The following STAG1 variants were observed in gnomAD, a reference collection of about 807,000 sequenced individuals.
The protein encoded by STAG1 is cohesin subunit SA-1.
A neutral mutation model predicts 170.9 loss-of-function variants in STAG1; 26 were observed. The observed-to-expected ratio is 0.15, with a 90% CI of 0.11 to 0.21. The LOEUF (loss-of-function observed/expected upper bound fraction) is 0.21, where lower values mean the gene tolerates loss of function less well. STAG1 is among the 10% of genes least tolerant of loss of function. The probability of loss-of-function intolerance (pLI) is 1.00; values close to 1 mark genes in which losing one functional copy is unlikely to be tolerated. For missense variants in STAG1, 964 were observed against 1,509.5 expected, an observed-to-expected ratio of 0.64 and a Z score of 5.99; for synonymous variants, 514 against 497.7, an observed-to-expected ratio of 1.03 and a Z score of -0.44.
intron 29 of STAG1, among the ~76,000 whole-genome samples, chr3:136,344,234 C>T (rs999043075): frequency 6.6e-6 from 1 of 152,166 alleles, no homozygotes; most frequent in South Asian, 2.1e-4. Flanking sequence ...GTTGTAGGGA[C>T]TAAATGAGGT....
chr3:136,472,674 G>A (rs917718602), intron 11 of STAG1, among the ~76,000 whole-genome samples, 182 bp from the exon 12 acceptor site: 1 of 152,144 alleles, frequency 6.6e-6, no homozygotes, highest in Non-Finnish European at 1.5e-5. Flanking sequence ...ATAAATGTTT[G>A]TAATTTAAAA....
At chr3:136,487,106 C>T (rs1576520888) in intron 9 of STAG1, among the ~76,000 whole-genome samples, 1 of 151,450 alleles carries the variant, frequency 6.6e-6, no homozygotes, top group East Asian at 1.9e-4. Context: ...CACCTATTGA[C>T]CCGTCCTCTA....
chr3:136,394,906 T>TCATG (rs2087108440), intron 22 of STAG1, among the ~76,000 whole-genome samples: 1 of 137,798 alleles, frequency 7.3e-6, no homozygotes, highest in African/African-American at 2.8e-5. Context: ...TGAGCCAAGA[T>TCATG]CATGCCACTG....
intron 1 of STAG1, among the ~76,000 whole-genome samples, chr3:136,689,456 A>G (rs1377992017): frequency 6.6e-6 from 1 of 152,210 alleles, no homozygotes; most frequent in Non-Finnish European, 1.5e-5. Context: ...GTCAGTTATC[A>G]AAGGAATCAA....
intron 22 of STAG1, 72 bp from the exon 23 acceptor site, chr3:136,377,824 G>A: frequency 8.0e-7 from 1 of 1,256,362 alleles, no homozygotes; most frequent in Non-Finnish European, 1.2e-6. Context: ...GAAACAGTAA[G>A]TGGAAAATAG....
chr3:136,530,109 A>T (rs936912419), intron 6 of STAG1, among the ~76,000 whole-genome samples: 25 of 152,326 alleles, frequency 1.6e-4, no homozygotes, highest in Admixed American at 1.6e-3. Context: ...AGTGAAACAA[A>T]CTGTACATCA....
chr3:136,579,551 T>C (rs185579246), intron 4 of STAG1, among the ~76,000 whole-genome samples: 95 of 152,348 alleles, frequency 6.2e-4, no homozygotes, highest in African/African-American at 2.2e-3. Context: ...TGCTGGCTAA[T>C]GGCTAGAGAC....
chr3:136,591,572 T>C (rs904206481), intron 4 of STAG1: 2 of 411,682 alleles, frequency 4.9e-6, no homozygotes, highest in Non-Finnish European at 9.7e-6. Flanking sequence ...AAAAAAAAAA[T>C]TATCTGTTAA....
intron 3 of STAG1, among the ~76,000 whole-genome samples, chr3:136,619,092 T>C (rs951090154): frequency 2.0e-5 from 3 of 151,854 alleles, no homozygotes; most frequent in Non-Finnish European, 4.4e-5. Context: ...GCAAATGTAG[T>C]AAAATGCTAA....
At chr3:136,443,241 A>G (rs1048253321) in intron 15 of STAG1, 46 bp downstream of exon 15, 5 of 1,333,988 alleles carry the variant, frequency 3.7e-6, no homozygotes, top group South Asian at 3.6e-5. Flanking sequence ...TATTGCTATC[A>G]ATGGAAATAC....
At chr3:136,683,429 A>C (rs1348870846) in intron 1 of STAG1, among the ~76,000 whole-genome samples, 1 of 151,926 alleles carries the variant, frequency 6.6e-6, no homozygotes, top group African/African-American at 2.4e-5. Context: ...ACACCCAGCT[A>C]ATTTTTGTAT....
chr3:136,702,075 AAGAGAGAGAGAGAGAGAGAGAG>A (rs745623191), intron 1 of STAG1, among the ~76,000 whole-genome samples: 5 of 92,164 alleles, frequency 5.4e-5, no homozygotes, highest in Non-Finnish European at 1.0e-4. Context: ...ACCATGCCGA[AAGAGAGAGAGAGAGAGAGAGAG>A]AGAGAGAGAG....
chr3:136,562,708 C>T (rs1047644978), intron 5 of STAG1, among the ~76,000 whole-genome samples: 1 of 152,118 alleles, frequency 6.6e-6, no homozygotes, highest in African/African-American at 2.4e-5. Flanking sequence ...CTGCCTCAGC[C>T]TCCCAAGTAG....
intron 4 of STAG1, among the ~76,000 whole-genome samples, chr3:136,576,290 A>T (rs995530315): frequency 6.6e-6 from 1 of 152,140 alleles, no homozygotes; most frequent in African/African-American, 2.4e-5. Flanking sequence ...TTTCTCTCTC[A>T]CACACACATA....
At chr3:136,630,117 C>G (rs1940272837) in intron 2 of STAG1, among the ~76,000 whole-genome samples, 1 of 152,098 alleles carries the variant, frequency 6.6e-6, no homozygotes, top group African/African-American at 2.4e-5. Context: ...ATCGCTTGAA[C>G]CCGGAAGGCA....
chr3:136,601,362 AAATATT>A (rs1171918908), intron 4 of STAG1, among the ~76,000 whole-genome samples: 25 of 152,240 alleles, frequency 1.6e-4, no homozygotes, highest in Non-Finnish European at 3.7e-4. Context: ...AGCCAGTAAA[AAATATT>A]AATAATTAAA....
intron 7 of STAG1, among the ~76,000 whole-genome samples, chr3:136,510,454 A>T (rs1934000422): frequency 6.7e-6 from 1 of 150,004 alleles, no homozygotes; most frequent in African/African-American, 2.5e-5. Flanking sequence ...CAGCCCAGCT[A>T]ATTTTTGTAT....
chr3:136,386,741 T>C (rs1245604309), intron 22 of STAG1, among the ~76,000 whole-genome samples: 1 of 152,208 alleles, frequency 6.6e-6, no homozygotes, highest in Non-Finnish European at 1.5e-5. Flanking sequence ...ACCACCATGT[T>C]GCCCAGGCTT....
intron 13 of STAG1, among the ~76,000 whole-genome samples, chr3:136,460,009 G>A (rs1366028826): frequency 6.6e-6 from 1 of 151,890 alleles, no homozygotes; most frequent in Non-Finnish European, 1.5e-5. Flanking sequence ...AAAATTAGCC[G>A]AAGGAAAGGA....
Sources: gnomAD v4.1 joint callset for allele counts (sites outside exome capture counted in the v4.1 genomes callset) on GRCh38, gnomAD v4.1.1 for gene constraint, MANE v1.5 for transcripts, NCBI Gene and HGNC (gene_info 2026-07-23, HGNC 2026-07-21) for gene names.